The following FAM161A variants were observed in gnomAD, a reference collection of about 807,000 sequenced individuals.
The protein encoded by FAM161A is protein FAM161A.
FAM161A carries 57 observed loss-of-function variants against 70.9 expected under a neutral mutation model. That is an observed-to-expected ratio of 0.80 (90% CI 0.65 to 1.00). The LOEUF is 1.00. Among genes scored for constraint, FAM161A ranks in the 50% least tolerant of loss-of-function variants. FAM161A has a pLI of 0.00. For missense variants in FAM161A, 880 were observed against 836.0 expected, an observed-to-expected ratio of 1.05 and a Z score of -0.65; for synonymous variants, 299 against 295.7, an observed-to-expected ratio of 1.01 and a Z score of -0.12.
chr2:61,832,268 A>C (rs1672610948), intron 5 of FAM161A, among the ~76,000 whole-genome samples: 1 of 150,660 alleles, frequency 6.6e-6, no homozygotes, highest in African/African-American at 2.4e-5. Flanking sequence ...AACCAACAAC[A>C]ACAACAACAA....
Position 61,838,708 on chromosome 2 carries a change from G to A in FAM161A, c.1584-3C>T. On this transcript the variant is annotated splice_polypyrimidine_tract_variant and splice_region_variant and intron_variant, in intron 3 of 6. Coordinates refer to ENST00000404929, the MANE Select transcript of FAM161A (RefSeq NM_001201543.2). Reference sequence around the variant, plus strand: ...TTTTCTTTTCCTCAAGTGATCTCCTGAGGGTAACAAACTAAGGCTTAATCC... The same window carrying A: ...TTTTCTTTTCCTCAAGTGATCTCCTAAGGGTAACAAACTAAGGCTTAATCC... The A allele has an allele frequency of 6.3e-7, 1 of 1,597,776 alleles. No homozygotes were observed.
At chr2:61,837,091 C>G (rs1397363157) in intron 4 of FAM161A, among the ~76,000 whole-genome samples, 1 of 152,120 alleles carries the variant, frequency 6.6e-6, no homozygotes, top group Non-Finnish European at 1.5e-5. Flanking sequence ...TGGTCTCAAA[C>G]TCCTGGGCTC....
At chr2:61,831,260 A>C (rs1672564867) in intron 5 of FAM161A, among the ~76,000 whole-genome samples, 1 of 151,996 alleles carries the variant, frequency 6.6e-6, no homozygotes, top group Non-Finnish European at 1.5e-5. Flanking sequence ...CCTTTAATTT[A>C]GCATTTATTT....
At position 61,825,213 on chromosome 2, in the gene FAM161A, A is replaced by C. The variant is rs916114368; in HGVS notation, c.*1242T>G. ...ATTGGCTTCAAATTTTAAAACAAAA[A>C]TTTGCTTAAAGAAAAAAATATAGAT... On this transcript the variant is annotated 3_prime_UTR_variant, in exon 7 of 7. Transcript: ENST00000404929. 4 of 436,766 alleles carry C rather than the reference A, an allele frequency of 9.2e-6. No homozygotes were observed. Among genetic ancestry groups the C allele is most frequent in the African/African-American group, 8.2e-5 (4 of 48,872 alleles). The allele number at this position is 436,766 out of a possible 1,614,324, so 27.1% of individuals were successfully genotyped here.
the FAM161A span, among the ~76,000 whole-genome samples, chr2:61,810,477 A>C: frequency 6.6e-5 from 2 of 30,170 alleles, no homozygotes; most frequent in South Asian, 1.7e-3. Flanking sequence ...TTTTTTTTTG[A>C]GATGGAGTCT....
intron 6 of FAM161A, 136 bp downstream of exon 6, chr2:61,826,968 A>T: frequency 1.3e-6 from 1 of 776,806 alleles, no homozygotes; most frequent in Non-Finnish European, 2.1e-6. Flanking sequence ...ACAACAGTTC[A>T]TATGTCTTTT....
At position 61,826,517 on chromosome 2, in the gene FAM161A, T is replaced by G. The variant is rs751454162; in HGVS notation, c.2089A>C (p.Lys697Gln). ...FIDTNSQDSY[K>Q]EKDEANEESE... ...TCCTCATTGGCTTCATCTTTTTCCT[T>G]GTAAGAATCCTGGCTGTTGGTATCA... The change falls in exon 7 of 7, where the codon AAG becomes CAG. Residue 697 changes from lysine to glutamine, a missense_variant. Transcript: ENST00000404929. 2 of 1,607,546 alleles carry G rather than the reference T, an allele frequency of 1.2e-6. No individual in the cohort carries two copies. Among genetic ancestry groups the G allele is most frequent in the Non-Finnish European group, 8.5e-7 (1 of 1,175,888 alleles).
At position 61,840,246 on chromosome 2, in the gene FAM161A, T is replaced by C. The variant is rs747396900; in HGVS notation, c.758A>G (p.Glu253Gly). The change falls in exon 3 of 7, where the codon GAA becomes GGA. Residue 253 changes from glutamate (E) to glycine (G), a missense_variant. By Grantham distance (98) the Glu-to-Gly change is moderately conservative. Coordinates refer to ENST00000404929, the MANE Select transcript of FAM161A (RefSeq NM_001201543.2). ...QMMIREQKKK[E>G]ESMKSKSDIE... is the part of the protein sequence containing the mutation. Reference sequence around the variant, plus strand: ...ATCTGATTTAGATTTCATGGACTCTTCTTTTTTCTTCTGTTCTCTTATCAT... The same window carrying C: ...ATCTGATTTAGATTTCATGGACTCTCCTTTTTTCTTCTGTTCTCTTATCAT... 5.6e-6 allele frequency: 9 copies of C among 1,613,948 alleles called. No homozygotes were observed. The highest frequency in any genetic ancestry group is 1.6e-4 in the Middle Eastern group (1 of 6,084).
In FAM161A at chr2:61,849,080, TTA is replaced by T. The variant is rs1441357193; in HGVS notation, c.183+4777_183+4778del. Among the ~76,000 whole-genome samples the T allele has an allele frequency of 2.0e-4, 10 of 50,768 alleles. 2 individuals carry two copies. The highest frequency in any genetic ancestry group is 3.4e-4 in the Non-Finnish European group (10 of 29,248). 33.3% of individuals were successfully genotyped at this position (50,768 alleles called of 152,430 possible). A position where few individuals can be genotyped will look rare whatever the true frequency, so the allele number is the denominator to read the frequency against. On this transcript the variant is annotated intron_variant, in intron 1 of 6. Coordinates refer to ENST00000404929, the MANE Select transcript of FAM161A (RefSeq NM_001201543.2). ...TTTATATATATATAAATATATATATTTATATATATATTTAAATATATATATTT... is the reference window on the plus strand; with the variant it reads ...TTTATATATATATAAATATATATATTTATATATATTTAAATATATATATTT...
downstream of FAM161A, among the ~76,000 whole-genome samples, chr2:61,821,045 C>T (rs956395532): frequency 6.6e-6 from 1 of 150,570 alleles, no homozygotes; most frequent in Non-Finnish European, 1.5e-5. Flanking sequence ...TATGCCTTGA[C>T]TTTTTTTTTC....
chr2:61,832,010 G>A (rs765009563), intron 5 of FAM161A, among the ~76,000 whole-genome samples: 11 of 152,042 alleles, frequency 7.2e-5, no homozygotes, highest in African/African-American at 2.7e-4. Flanking sequence ...TTGGAAGGCC[G>A]AGAAAGGAGG....
rs773807649 is a variant in FAM161A at position 61,836,040 on chromosome 2, CT to C, written c.1820del (p.Lys607ArgfsTer26). 6.2e-6 allele frequency: 10 copies of C among 1,609,840 alleles called. No individual in the cohort carries two copies. The highest frequency in any genetic ancestry group is 8.5e-6 in the Non-Finnish European group (10 of 1,178,646). On this transcript the variant is annotated frameshift_variant, in exon 5 of 7. Transcript: ENST00000404929. LOFTEE classifies it high-confidence loss of function. ...CAACTCTTTCAAATAGCAGTGGCCT[CT>C]TTTTTAATTTTTCTTCTCTTTCTTC... ...ELEEREEKLK[K>X]RPLLFERVAQ... is the part of the protein sequence containing the mutation.
intron 4 of FAM161A, 161 bp from the exon 5 acceptor site, chr2:61,836,270 T>G: frequency 1.6e-6 from 1 of 627,900 alleles, no homozygotes; most frequent in Non-Finnish European, 2.8e-6. Flanking sequence ...AGTTCACAGT[T>G]TACCTCGATT....
the FAM161A span, among the ~76,000 whole-genome samples, chr2:61,806,853 C>T: frequency 3.3e-5 from 5 of 151,814 alleles, no homozygotes; most frequent in African/African-American, 1.2e-4. Context: ...CCACCATGCC[C>T]AGCTAATTTT....
intron 4 of FAM161A, chr2:61,836,590 T>G (rs1472989738): frequency 5.7e-5 from 9 of 157,242 alleles, no homozygotes; most frequent in Admixed American, 5.7e-4. Flanking sequence ...TACTTTTGTT[T>G]TGAGATGGAG....
In FAM161A at chr2:61,840,388, AG is replaced by A. The variant is rs747478817; in HGVS notation, c.615del (p.Cys207ValfsTer38). On this transcript the variant is annotated frameshift_variant, in exon 3 of 7. Transcript: ENST00000404929. LOFTEE classifies it high-confidence loss of function. ...AKELINNMWTDFCVEDYIRCK... is the reference protein window; with the variant it reads ...AKELINNMWTXFCVEDYIRCK... ...CAGCGAATATAATCCTCAACACAAAAGTCTGTCCACATATTGTTGATGAGCT... is the reference window on the plus strand; with the variant it reads ...CAGCGAATATAATCCTCAACACAAAATCTGTCCACATATTGTTGATGAGCT... 1 of 1,614,092 alleles carries A rather than the reference AG, an allele frequency of 6.2e-7. No individual in the cohort carries two copies. The highest frequency in any genetic ancestry group is 8.5e-7 in the Non-Finnish European group (1 of 1,180,006).
chr2:61,844,175 G>A (rs1446249484), intron 1 of FAM161A, among the ~76,000 whole-genome samples: 2 of 151,968 alleles, frequency 1.3e-5, no homozygotes, highest in African/African-American at 4.8e-5. Context: ...TAGAACTTAC[G>A]TGCAGAAATT....
chr2:61,838,449 T>C, intron 4 of FAM161A, 89 bp downstream of exon 4: 2 of 1,119,294 alleles, frequency 1.8e-6, no homozygotes, highest in South Asian at 2.9e-5. Context: ...AATGCTATTT[T>C]CAATCTGCTC....
At chr2:61,806,657 G>GAA in the FAM161A span, among the ~76,000 whole-genome samples, 1 of 124,912 alleles carries the variant, frequency 8.0e-6, no homozygotes, top group South Asian at 2.9e-4. Flanking sequence ...TTTTTCACAT[G>GAA]AAAGCAATTT....
Sources: gnomAD v4.1 joint callset for allele counts (sites outside exome capture counted in the v4.1 genomes callset) on GRCh38, gnomAD v4.1.1 for gene constraint, MANE v1.5 for transcripts, NCBI Gene and HGNC (gene_info 2026-07-23, HGNC 2026-07-21) for gene names.